SLC35F2: variants seen among roughly 807,000 people sequenced by gnomAD.
The protein encoded by SLC35F2 is queuine/queuosine transporter SLC35F2.
Under a neutral mutation model 38.1 loss-of-function variants are expected in SLC35F2, and 25 were observed. That is an observed-to-expected ratio of 0.66 (90% CI 0.48 to 0.92). The LOEUF is 0.92. Ranked by LOEUF, SLC35F2 falls within the 40% of genes least tolerant of loss-of-function variation. The pLI is 0.00. For missense variants in SLC35F2, 409 were observed against 452.9 expected, an observed-to-expected ratio of 0.90 and a Z score of 0.88; for synonymous variants, 173 against 181.7, an observed-to-expected ratio of 0.95 and a Z score of 0.38.
intron 1 of SLC35F2, among the ~76,000 whole-genome samples, chr11:107,830,409 C>T (rs1859820114): frequency 6.6e-6 from 1 of 151,770 alleles, no homozygotes; most frequent in Non-Finnish European, 1.5e-5. Flanking sequence ...CATGGTGAAA[C>T]CCCATCTCTA....
chr11:107,810,531 A>T, intron 3 of SLC35F2: 1 of 985,282 alleles, frequency 1.0e-6, no homozygotes, highest in Non-Finnish European at 1.2e-6. Context: ...CTAAAAGTAC[A>T]CTTACTCCTA....
intron 1 of SLC35F2, among the ~76,000 whole-genome samples, chr11:107,818,055 TCA>T (rs1491533077): frequency 4.5e-5 from 1 of 22,434 alleles, no homozygotes; most frequent in African/African-American, 2.2e-4. Flanking sequence ...AGACTCTGTC[TCA>T]AAAAAAAAAA....
intron 3 of SLC35F2, among the ~76,000 whole-genome samples, chr11:107,807,271 C>CA (rs201964530): frequency 0.011 from 793 of 70,874 alleles, 11 homozygotes; most frequent in African/African-American, 0.032. Context: ...CCTGTCTGTA[C>CA]AAAAAAAAAA....
At chr11:107,850,862 G>T (rs1299990864) in intron 1 of SLC35F2, among the ~76,000 whole-genome samples, 1 of 151,954 alleles carries the variant, frequency 6.6e-6, no homozygotes, top group African/African-American at 2.4e-5. Flanking sequence ...AGAAGGCTGA[G>T]GTTGATTGGG....
intron 7 of SLC35F2, among the ~76,000 whole-genome samples, chr11:107,801,332 A>T (rs1186352960): frequency 6.6e-6 from 1 of 152,254 alleles, no homozygotes; most frequent in Non-Finnish European, 1.5e-5. Context: ...AGAAGGAAGA[A>T]GCAGATGTGA....
chr11:107,802,592 C>T (rs148243022), intron 7 of SLC35F2, among the ~76,000 whole-genome samples: 5 of 152,316 alleles, frequency 3.3e-5, no homozygotes, highest in African/African-American at 1.2e-4. Flanking sequence ...TCTCTCTTTC[C>T]TTTCCATCAG....
chr11:107,818,072 A>AAGAAAGAAAGAAAGAAAG (rs35121523), intron 1 of SLC35F2, among the ~76,000 whole-genome samples: 11 of 68,478 alleles, frequency 1.6e-4, no homozygotes, highest in Admixed American at 3.4e-4. Flanking sequence ...AAAAAAAAAA[A>AAGAAAGAAAGAAAGAAAG]AAAGAAAGAA....
intron 1 of SLC35F2, among the ~76,000 whole-genome samples, chr11:107,828,366 G>A (rs576513021): frequency 7.3e-5 from 11 of 151,032 alleles, no homozygotes; most frequent in Non-Finnish European, 1.3e-4. Flanking sequence ...ACCGGAAGGC[G>A]GAGGTTGCAG....
chr11:107,821,654 C>T, intron 1 of SLC35F2: 1 of 980,778 alleles, frequency 1.0e-6, no homozygotes, highest in Non-Finnish European at 1.2e-6. Context: ...AAACCTGTTC[C>T]TGTTTAAGCA....
chr11:107,841,398 AC>A (rs1488195802), intron 1 of SLC35F2, among the ~76,000 whole-genome samples: 5 of 152,122 alleles, frequency 3.3e-5, no homozygotes, highest in African/African-American at 1.2e-4. Context: ...CCCTGTCTCT[AC>A]TAAAAATACA....
At chr11:107,821,524 G>T (rs751035698) in intron 1 of SLC35F2, 29 of 985,228 alleles carry the variant, frequency 2.9e-5, no homozygotes, top group Non-Finnish European at 3.3e-5. Context: ...CAAACTTATA[G>T]ACACTGAAGG....
At chr11:107,807,135 A>G (rs1374136013) in intron 3 of SLC35F2, among the ~76,000 whole-genome samples, 1 of 152,028 alleles carries the variant, frequency 6.6e-6, no homozygotes, top group Non-Finnish European at 1.5e-5. Flanking sequence ...AAAAACACAT[A>G]GTTAAAAATG....
Position 107,858,686 on chromosome 11 carries a change from G to A in SLC35F2, c.82C>T (p.Arg28Cys), listed in dbSNP as rs779128757. ...GTGAAGAGTTTGCCTTTTATCCTGC[G>A]CAGCAGGCTGGAGAACTCGGCCGCC... Reference protein sequence around the residue: ...GAAAEFSSLLRRIKGKLFTWN... With the variant: ...GAAAEFSSLLCRIKGKLFTWN... Residue 28 changes from arginine to cysteine, a missense_variant, in exon 1 of 8, where the codon CGC becomes TGC. Physicochemically the swap from Arg to Cys is radical, Grantham distance 180. Transcript: ENST00000525815. 3.1e-6 allele frequency: 4 copies of A among 1,301,768 alleles called. No individual in the cohort carries two copies. In the African/African-American group the frequency reaches 4.5e-5, roughly 15 times the overall value. The allele number at this position is 1,301,768 out of a possible 1,614,324, so 80.6% of individuals were successfully genotyped here.
In SLC35F2 at chr11:107,806,695, C is replaced by T. The variant is rs538996483; in HGVS notation, c.574+22G>A. The T allele has an allele frequency of 3.7e-5, 60 of 1,612,946 alleles. No homozygotes were observed. The South Asian group carries it at 5.9e-4, about 16-fold the overall frequency. On this transcript the variant is annotated intron_variant, in intron 4 of 7. Transcript: ENST00000525815. ...AAACAAATTTGCTGTGATTGAAGCA[C>T]AAACATGTGACACCGTCTCACCTGA...
At position 107,853,870 on chromosome 11, in the gene SLC35F2, G is replaced by A. The variant is rs10219299; in HGVS notation, c.110+4788C>T. On this transcript the variant is annotated intron_variant, in intron 1 of 7. Transcript: ENST00000525815. ...TAAATATATAAAATAATAATTAAAGGTTTTTGCTAGAGATATAAAGTTGAT... is the reference window on the plus strand; with the variant it reads ...TAAATATATAAAATAATAATTAAAGATTTTTGCTAGAGATATAAAGTTGAT... 4.9e-3 allele frequency among the ~76,000 whole-genome samples: 744 copies of A among 151,902 alleles called. 8 individuals carry two copies. Among genetic ancestry groups the A allele is most frequent in the African/African-American group, 0.017 (691 of 41,460 alleles).
At chr11:107,844,530 C>CAGA (rs34127928) in intron 1 of SLC35F2, among the ~76,000 whole-genome samples, 66,113 of 150,306 alleles carry the variant, frequency 0.44, 14,751 homozygotes, top group Admixed American at 0.54. Context: ...GAGGCGGAAG[C>CAGA]AGAATCGCTT....
At chr11:107,824,799 G>C (rs1233362977) in intron 1 of SLC35F2, among the ~76,000 whole-genome samples, 1 of 152,038 alleles carries the variant, frequency 6.6e-6, no homozygotes, top group Non-Finnish European at 1.5e-5. Flanking sequence ...CCTGTCTTTT[G>C]GTAACCTCTT....
At chr11:107,835,793 G>A (rs79166012) in intron 1 of SLC35F2, among the ~76,000 whole-genome samples, 2,638 of 152,126 alleles carry the variant, frequency 0.017, 40 homozygotes, top group Non-Finnish European at 0.024. Flanking sequence ...GCAGAGAAAC[G>A]GAGCCCCTGT....
At chr11:107,821,422 T>C (rs1019796447) in intron 1 of SLC35F2, 2 of 985,172 alleles carry the variant, frequency 2.0e-6, no homozygotes, top group African/African-American at 3.5e-5. Context: ...ACCTCATCTA[T>C]AATAGAGGAG....
Sources: allele counts gnomAD v4.1 joint callset (sites outside exome capture counted in the v4.1 genomes callset), GRCh38; gene constraint gnomAD v4.1.1; transcripts MANE v1.5; gene names NCBI Gene and HGNC (gene_info 2026-07-23, HGNC 2026-07-21).